The following HEXB variants were observed in gnomAD, a reference collection of about 807,000 sequenced individuals.
The protein encoded by HEXB is hexosaminidase subunit beta, also known as beta-hexosaminidase subunit beta.
HEXB carries 51 observed loss-of-function variants against 71.2 expected under a neutral mutation model. That is an observed-to-expected ratio of 0.72 (90% confidence interval 0.57 to 0.90). The LOEUF is 0.90. Among genes scored for constraint, HEXB ranks in the 40% least tolerant of loss-of-function variants. The pLI is 0.00. For missense variants in HEXB, 617 were observed against 677.0 expected (o/e 0.91, Z 0.98); for synonymous variants, 266 against 249.3 (o/e 1.07, Z -0.63).
intron 1 of HEXB, among the ~76,000 whole-genome samples, chr5:74,643,091 A>G (rs75007568): frequency 9.5e-4 from 144 of 152,282 alleles, no homozygotes; most frequent in African/African-American, 3.3e-3. Flanking sequence ...CAAGAACTAA[A>G]CTTGCAAGTT....
At chr5:74,701,465 A>C (rs1749259195) in intron 5 of HEXB, among the ~76,000 whole-genome samples, 1 of 152,286 alleles carries the variant, frequency 6.6e-6, no homozygotes, top group South Asian at 2.1e-4. Flanking sequence ...ATTGCTTTCA[A>C]TGACAATTAC....
At chr5:74,720,866 AT>A in intron 13 of HEXB, 119 bp downstream of exon 13, 6 of 900,414 alleles carry the variant, frequency 6.7e-6, no homozygotes, top group East Asian at 2.6e-5. Flanking sequence ...ACCAGGAATT[AT>A]TTTTTTGTAA....
intron 5 of HEXB, among the ~76,000 whole-genome samples, chr5:74,703,821 T>C (rs1321083789): frequency 1.3e-5 from 2 of 152,128 alleles, no homozygotes; most frequent in Non-Finnish European, 2.9e-5. Context: ...ACTACCGGCA[T>C]GTGTCACGAT....
At chr5:74,694,361 A>G (rs928373490) in intron 3 of HEXB, among the ~76,000 whole-genome samples, 7 of 152,204 alleles carry the variant, frequency 4.6e-5, no homozygotes, top group African/African-American at 1.2e-4. Flanking sequence ...CTTCAGAAGC[A>G]AGCATCTCTC....
At chr5:74,718,246 T>G in intron 9 of HEXB, 45 bp from the exon 10 acceptor site, 1 of 1,219,982 alleles carries the variant, frequency 8.2e-7, no homozygotes, top group South Asian at 1.2e-5. Flanking sequence ...AAATATATTG[T>G]TAAGCTTATG....
chr5:74,657,817 A>G (rs1580362409), intron 1 of HEXB, among the ~76,000 whole-genome samples: 1 of 152,156 alleles, frequency 6.6e-6, no homozygotes, highest in African/African-American at 2.4e-5. Context: ...CTCACATGTC[A>G]TGTGGCGTCT....
chr5:74,707,835 TGAC>T lies in HEXB; in HGVS notation c.771+2517_771+2519del, dbSNP rs1385436071. On this transcript the variant is annotated intron_variant, in intron 6 of 13. Transcript: ENST00000261416. ...TGATTGGTGTACCTGAAAGTGAAAG[TGAC>T]GGGGAGAATGGAACCAAGTCCTACT... Among the ~76,000 whole-genome samples the T allele has an allele frequency of 7.1e-5, 9 of 127,380 alleles. No individual in the cohort carries two copies. The South Asian group carries it at 7.9e-4, about 11-fold the overall frequency. 83.6% of individuals were successfully genotyped at this position (127,380 alleles called of 152,430 possible). A position where few individuals can be genotyped will look rare whatever the true frequency, so the allele number is the denominator to read the frequency against.
intron 1 of HEXB, among the ~76,000 whole-genome samples, chr5:74,644,051 A>G (rs1005030509): frequency 7.2e-5 from 11 of 152,160 alleles, no homozygotes; most frequent in African/African-American, 2.7e-4. Context: ...CTCCCCTTCC[A>G]TAGTGTCAAG....
rs1749855291 is a variant in HEXB, at chr5:74,721,240, A to AAAT, written c.*68_*70dup. 5 of 1,242,674 alleles carry AAAT rather than the reference A, an allele frequency of 4.0e-6. No individual in the cohort carries two copies. The highest frequency in any genetic ancestry group is 1.5e-5 in the African/African-American group (1 of 67,248). The allele number at this position is 1,242,674 out of a possible 1,614,324, so 77.0% of individuals were successfully genotyped here. A position where few individuals can be genotyped will look rare whatever the true frequency, so the allele number is the denominator to read the frequency against. ...ATCAACTTTATTTTGAAATCATGTA[A>AAAT]AATAAGATATTAGACTGTTTTTTGA... is the stretch of plus-strand genomic sequence containing the variant. On this transcript the variant is annotated 3_prime_UTR_variant, in exon 14 of 14. Transcript: ENST00000261416.
At chr5:74,661,513 CTGTGTGTGTGTGTGTG>C (rs1179218651) in intron 1 of HEXB, among the ~76,000 whole-genome samples, 3,302 of 84,838 alleles carry the variant, frequency 0.039, 130 homozygotes, top group African/African-American at 0.095. Flanking sequence ...TTCTCTCTCT[CTGTGTGTGTGTGTGTG>C]TGTGTGTGTG....
At chr5:74,684,866 G>A (rs566757482), upstream of HEXB, among the ~76,000 whole-genome samples, 134 of 151,982 alleles carry the variant, frequency 8.8e-4, no homozygotes, top group Middle Eastern at 6.8e-3. Context: ...TTGTAGAGTC[G>A]GGGTTTCACC....
At position 74,685,525 on chromosome 5, in the gene HEXB, C is replaced by G; in HGVS notation, c.265C>G (p.Pro89Ala). The G allele has an allele frequency of 6.3e-7, 1 of 1,591,926 alleles. No individual in the cohort carries two copies. The highest frequency in any genetic ancestry group is 8.5e-7 in the Non-Finnish European group (1 of 1,169,774). The change falls in exon 1 of 14, where the codon CCC becomes GCC. Residue 89 changes from proline to alanine, a missense_variant. By Grantham distance (27) the Pro-to-Ala change is conservative. Coordinates refer to ENST00000261416, the MANE Select transcript of HEXB (RefSeq NM_000521.4). ...ISHSPNSTAG[P>A]SCTLLEEAFR... ...CCACAGCCCCAATTCCACGGCGGGC[C>G]CCTCCTGCACCCTGCTGGAGGAAGC...
chr5:74,705,168 G>T, intron 5 of HEXB, 51 bp from the exon 6 acceptor site: 1 of 998,072 alleles, frequency 1.0e-6, no homozygotes, highest in South Asian at 1.3e-5. Flanking sequence ...AGGTAATATG[G>T]ATTGTATATG....
chr5:74,658,624 G>A (rs1401746069), intron 1 of HEXB, among the ~76,000 whole-genome samples: 6 of 152,138 alleles, frequency 3.9e-5, no homozygotes, highest in Admixed American at 6.5e-5. Flanking sequence ...GCTCAAGTAA[G>A]CTTCCCTGGG....
upstream of HEXB, among the ~76,000 whole-genome samples, chr5:74,683,129 C>A (rs1312967663): frequency 6.6e-6 from 1 of 152,166 alleles, no homozygotes; most frequent in African/African-American, 2.4e-5. Flanking sequence ...GTATTCCTTC[C>A]TCCAGGATAC....
intron 1 of HEXB, among the ~76,000 whole-genome samples, chr5:74,646,820 G>A (rs891903391): frequency 6.6e-6 from 1 of 152,084 alleles, no homozygotes; most frequent in Non-Finnish European, 1.5e-5. Context: ...ACCCACCTCA[G>A]CCTCCCAAAG....
At chr5:74,666,375 C>A (rs1748431834) in intron 1 of HEXB, among the ~76,000 whole-genome samples, 1 of 152,196 alleles carries the variant, frequency 6.6e-6, no homozygotes, top group Non-Finnish European at 1.5e-5. Context: ...GTAATTGGAG[C>A]AATTTTCATA....
chr5:74,689,503 T>C (rs758634842), intron 2 of HEXB, 30 bp downstream of exon 2: 2 of 1,601,792 alleles, frequency 1.2e-6, no homozygotes, highest in East Asian at 2.2e-5. Flanking sequence ...GAGTGTATTA[T>C]ATCCCAGGTG....
In HEXB at chr5:74,716,653, A is replaced by G. The variant is rs1336014813; in HGVS notation, c.1149A>G (p.Leu383=). The change falls in exon 9 of 14, where the codon CTA becomes CTG. Residue 383 remains leucine (L), a synonymous_variant. Transcript: ENST00000261416. ...QKGFGTDFKK[L]ESFYIQKVLD... is the part of the protein sequence containing the mutation. ...GCTTTGGCACAGATTTTAAGAAACTAGAATCTTTCTACATTCAAAAGTAAG... is the reference window on the plus strand; with the variant it reads ...GCTTTGGCACAGATTTTAAGAAACTGGAATCTTTCTACATTCAAAAGTAAG... 3 of 1,604,518 alleles carry G rather than the reference A, an allele frequency of 1.9e-6. No homozygotes were observed. The East Asian group carries it at 6.7e-5, about 36-fold the overall frequency.
Sources: allele counts gnomAD v4.1 joint callset (sites outside exome capture counted in the v4.1 genomes callset), GRCh38; gene constraint gnomAD v4.1.1; transcripts MANE v1.5; gene names NCBI Gene and HGNC (gene_info 2026-07-23, HGNC 2026-07-21).